Variants in NEGR1 observed in about 807,000 individuals in gnomAD.
The protein encoded by NEGR1 is neuronal growth regulator 1, also known as IgLON family member 4.
In NEGR1, 10 loss-of-function variants were observed where a neutral mutation model predicts 40.9. The ratio of observed to expected loss-of-function variants is 0.24; its 90% CI spans 0.15 to 0.42. NEGR1 has a LOEUF of 0.42. Ranked by LOEUF, NEGR1 falls within the 10% of genes least tolerant of loss-of-function variation. The pLI, the probability that NEGR1 is intolerant of heterozygous loss-of-function variation, is 1.00. For missense variants in NEGR1, 352 were observed against 438.9 expected (o/e 0.80, Z 1.77); for synonymous variants, 185 against 166.8 (o/e 1.11, Z -0.84).
At chr1:71,408,187 G>T (rs1474992287) in intron 6 of NEGR1, among the ~76,000 whole-genome samples, 1 of 151,952 alleles carries the variant, frequency 6.6e-6, no homozygotes, top group Non-Finnish European at 1.5e-5. Context: ...GTGGGTAGAA[G>T]AAATAACATA....
At chr1:71,906,726 T>G (rs1331856279) in intron 2 of NEGR1, among the ~76,000 whole-genome samples, 5 of 152,148 alleles carry the variant, frequency 3.3e-5, no homozygotes, top group African/African-American at 1.2e-4. Context: ...ACTCATTCAC[T>G]TCATCAAAAT....
At chr1:71,732,105 C>T (rs1456243136) in intron 3 of NEGR1, among the ~76,000 whole-genome samples, 1 of 151,976 alleles carries the variant, frequency 6.6e-6, no homozygotes, top group African/African-American at 2.4e-5. Flanking sequence ...TCTCTTGAGT[C>T]GAGACCAGCC....
At chr1:71,881,787 T>C (rs1015115032) in intron 2 of NEGR1, among the ~76,000 whole-genome samples, 3 of 152,100 alleles carry the variant, frequency 2.0e-5, no homozygotes, top group Non-Finnish European at 4.4e-5. Context: ...AGGCATAATA[T>C]ATTCTTTCTG....
intron 3 of NEGR1, among the ~76,000 whole-genome samples, chr1:71,750,956 C>G (rs772757368): frequency 6.6e-6 from 1 of 151,978 alleles, no homozygotes; most frequent in East Asian, 1.9e-4. Flanking sequence ...TAGTTTATGA[C>G]TAGATTTACA....
At chr1:71,974,385 AG>A (rs1241297603) in intron 1 of NEGR1, among the ~76,000 whole-genome samples, 3 of 152,198 alleles carry the variant, frequency 2.0e-5, no homozygotes, top group African/African-American at 7.2e-5. Flanking sequence ...GAGGATATTA[AG>A]TAAATTTCTG....
intron 6 of NEGR1, among the ~76,000 whole-genome samples, chr1:71,429,895 G>A (rs1166070824): frequency 3.3e-5 from 5 of 152,180 alleles, no homozygotes; most frequent in African/African-American, 1.2e-4. Flanking sequence ...AGGATTCACT[G>A]CAGGGTGAGA....
chr1:71,648,762 G>A (rs539568446), intron 4 of NEGR1, among the ~76,000 whole-genome samples: 1 of 152,074 alleles, frequency 6.6e-6, no homozygotes, highest in East Asian at 1.9e-4. Flanking sequence ...TTTAAATGAT[G>A]CCCTGATCAC....
At chr1:71,603,156 T>G (rs1447527505) in intron 5 of NEGR1, among the ~76,000 whole-genome samples, 1 of 152,232 alleles carries the variant, frequency 6.6e-6, no homozygotes, top group African/African-American at 2.4e-5. Context: ...GAAGTGAAAC[T>G]TTTCAAATTA....
At chr1:71,517,595 C>T (rs1647127384) in intron 6 of NEGR1, among the ~76,000 whole-genome samples, 4 of 145,188 alleles carry the variant, frequency 2.8e-5, no homozygotes, top group African/African-American at 1.1e-4. Context: ...TAAGAGCTAT[C>T]TATGACAAAC....
intron 5 of NEGR1, among the ~76,000 whole-genome samples, chr1:71,593,330 C>T (rs1649570611): frequency 6.6e-6 from 1 of 152,026 alleles, no homozygotes; most frequent in South Asian, 2.1e-4. Flanking sequence ...ATAAAGATTC[C>T]ACGGAAAGTA....
At chr1:72,035,599 A>C (rs1303581996) in intron 1 of NEGR1, among the ~76,000 whole-genome samples, 1 of 152,160 alleles carries the variant, frequency 6.6e-6, no homozygotes, top group Non-Finnish European at 1.5e-5. Flanking sequence ...ATGTATAATC[A>C]CACATGGTTA....
chr1:71,632,228 T>C (rs1395276542), intron 4 of NEGR1, among the ~76,000 whole-genome samples: 2 of 151,676 alleles, frequency 1.3e-5, no homozygotes, highest in African/African-American at 4.8e-5. Context: ...TGTGTGTGTA[T>C]ACATATGCAA....
chr1:71,761,287 T>G (rs1293709792), intron 3 of NEGR1, among the ~76,000 whole-genome samples: 1 of 152,248 alleles, frequency 6.6e-6, no homozygotes, highest in South Asian at 2.1e-4. Context: ...AAAGCGGCCA[T>G]AGACAATATA....
At chr1:71,799,706 G>C (rs776952637) in intron 2 of NEGR1, among the ~76,000 whole-genome samples, 35 of 150,426 alleles carry the variant, frequency 2.3e-4, no homozygotes, top group Non-Finnish European at 4.1e-4. Context: ...TCCAGCATCT[G>C]TTGTCTCCTG....
At chr1:72,218,522 A>G (rs1031483006) in intron 1 of NEGR1, among the ~76,000 whole-genome samples, 2 of 152,038 alleles carry the variant, frequency 1.3e-5, no homozygotes, top group Non-Finnish European at 1.5e-5. Context: ...ATCTTTCTTA[A>G]ATGTACAAAA....
chr1:71,949,938 T>G (rs1646054260), intron 1 of NEGR1, among the ~76,000 whole-genome samples: 2 of 151,074 alleles, frequency 1.3e-5, no homozygotes. Flanking sequence ...CTGGAACATG[T>G]AAGAAAAACT....
intron 2 of NEGR1, among the ~76,000 whole-genome samples, chr1:71,812,645 T>C (rs568757203): frequency 1.3e-5 from 2 of 152,296 alleles, no homozygotes; most frequent in African/African-American, 4.8e-5. Context: ...TTTCTAATGA[T>C]CTGTGATGTT....
intron 1 of NEGR1, among the ~76,000 whole-genome samples, chr1:72,108,218 A>AAGATTC: frequency 6.6e-6 from 1 of 151,640 alleles, no homozygotes; most frequent in East Asian, 1.9e-4. Context: ...TTATGACAAA[A>AAGATTC]AGATTCAGAT....
chr1:71,701,986 A>C (rs1196302480), intron 3 of NEGR1, among the ~76,000 whole-genome samples: 1 of 152,056 alleles, frequency 6.6e-6, no homozygotes, highest in Non-Finnish European at 1.5e-5. Flanking sequence ...TGGAGCAATA[A>C]GAGGGGGTAT....
Sources: allele counts gnomAD v4.1 joint callset (sites outside exome capture counted in the v4.1 genomes callset), GRCh38; gene constraint gnomAD v4.1.1; transcripts MANE v1.5; gene names NCBI Gene and HGNC (gene_info 2026-07-23, HGNC 2026-07-21).